Variants in KLHDC1 observed in about 807,000 individuals in gnomAD.
The protein encoded by KLHDC1 is kelch domain-containing protein 1.
KLHDC1 carries 53 observed loss-of-function variants against 68.3 expected under a neutral mutation model. The observed-to-expected ratio is 0.78, with a 90% CI of 0.62 to 0.98. The LOEUF (loss-of-function observed/expected upper bound fraction) is 0.98, where lower values mean the gene tolerates loss of function less well. KLHDC1 is among the 50% of genes least tolerant of loss of function. KLHDC1 has a pLI of 0.00. For synonymous variants in KLHDC1, 148 were observed against 159.0 expected, an observed-to-expected ratio of 0.93 and a Z score of 0.52; for missense variants, 470 against 492.3, an observed-to-expected ratio of 0.95 and a Z score of 0.43.
intron 1 of KLHDC1, among the ~76,000 whole-genome samples, chr14:49,705,753 T>G (rs1241793725): frequency 6.6e-6 from 1 of 152,176 alleles, no homozygotes; most frequent in African/African-American, 2.4e-5. Context: ...GTAGCTCCCC[T>G]TCTTATAATT....
At chr14:49,733,151 G>A (rs1888855004) in intron 9 of KLHDC1, among the ~76,000 whole-genome samples, 1 of 152,154 alleles carries the variant, frequency 6.6e-6, no homozygotes, top group Non-Finnish European at 1.5e-5. Context: ...CGCTTTTGCT[G>A]TACTCCAGGC....
At chr14:49,744,988 T>G (rs1346867039) in intron 12 of KLHDC1, among the ~76,000 whole-genome samples, 2 of 152,184 alleles carry the variant, frequency 1.3e-5, no homozygotes, top group Admixed American at 6.6e-5. Context: ...GGGAGGATTA[T>G]GGAAGAAGCC....
In KLHDC1 at chr14:49,704,133, C is replaced by T. The variant is rs1033971561; in HGVS notation, c.97-5026C>T. Among the ~76,000 whole-genome samples, 11 of 152,134 alleles carry T rather than the reference C, an allele frequency of 7.2e-5. 1 individual carries two copies. The highest frequency in any genetic ancestry group is 1.3e-4 in the Non-Finnish European group (9 of 68,022). ...GTACCATCTGGCCTTACGTTTTTGC[C>T]GTTCCAGTGAGTGTGACATGATAGT... On this transcript the variant is annotated intron_variant, in intron 1 of 12. Coordinates refer to ENST00000359332, the MANE Select transcript of KLHDC1 (RefSeq NM_172193.3).
intron 4 of KLHDC1, among the ~76,000 whole-genome samples, chr14:49,713,070 C>T (rs910258009): frequency 1.3e-5 from 2 of 151,830 alleles, no homozygotes; most frequent in African/African-American, 2.4e-5. Flanking sequence ...CTGCCTCAGC[C>T]TCCCGAGTAG....
In KLHDC1 at chr14:49,715,339, T is replaced by G. The variant is rs553598609; in HGVS notation, c.404+4958T>G. 1.1e-4 allele frequency among the ~76,000 whole-genome samples: 16 copies of G among 151,722 alleles called. No homozygotes were observed. The East Asian group carries it at 3.1e-3, about 29-fold the overall frequency. ...GGTTTCACCATGTTGGCAAGGATGG[T>G]TTTGATCTCTTGACCTCATGATCTG... On this transcript the variant is annotated intron_variant, in intron 4 of 12. Coordinates refer to ENST00000359332, the MANE Select transcript of KLHDC1 (RefSeq NM_172193.3).
At chr14:49,746,783 T>C (rs1189970634) in intron 12 of KLHDC1, among the ~76,000 whole-genome samples, 1 of 152,132 alleles carries the variant, frequency 6.6e-6, no homozygotes, top group Non-Finnish European at 1.5e-5. Context: ...TTTTCATTCT[T>C]TATGACCTTG....
Position 49,751,967 on chromosome 14 carries a change from A to G in KLHDC1, c.*195A>G. The G allele has an allele frequency of 9.6e-6, 3 of 312,432 alleles. No homozygotes were observed. Among genetic ancestry groups the G allele is most frequent in the African/African-American group, 2.1e-5 (1 of 46,766 alleles). The allele number at this position is 312,432 out of a possible 1,614,324, so 19.4% of individuals were successfully genotyped here. A position where few individuals can be genotyped will look rare whatever the true frequency, so the allele number is the denominator to read the frequency against. On this transcript the variant is annotated 3_prime_UTR_variant, in exon 13 of 13. Transcript: ENST00000359332. ...CAGATTAATTTATATTTGTAAACAA[A>G]TTTCCTTACAAACTGCAGAACAAAT...
chr14:49,723,614 TA>T (rs1452793308), intron 4 of KLHDC1, among the ~76,000 whole-genome samples: 1 of 152,202 alleles, frequency 6.6e-6, no homozygotes, highest in Admixed American at 6.5e-5. Context: ...AGTTTCTTCT[TA>T]CAAGCCCTGT....
intron 1 of KLHDC1, among the ~76,000 whole-genome samples, chr14:49,693,748 C>CTTTTTCTTTTTTTTTTTTTTTTTTTT (rs1555337323): frequency 1.6e-5 from 1 of 61,562 alleles, no homozygotes; most frequent in South Asian, 1.0e-3. Flanking sequence ...TTTTCTTTTT[C>CTTTTTCTTTTTTTTTTTTTTTTTTTT]TTTTTTTTTT....
At chr14:49,720,913 A>G (rs1888508935) in intron 4 of KLHDC1, among the ~76,000 whole-genome samples, 1 of 152,184 alleles carries the variant, frequency 6.6e-6, no homozygotes, top group African/African-American at 2.4e-5. Context: ...TGTTTAACCT[A>G]TATAATGAAT....
At chr14:49,734,264 G>C (rs1888881974) in intron 9 of KLHDC1, among the ~76,000 whole-genome samples, 1 of 152,026 alleles carries the variant, frequency 6.6e-6, no homozygotes, top group African/African-American at 2.4e-5. Context: ...TGTAAAAAAT[G>C]TCCTTTTATT....
chr14:49,696,730 C>T (rs1044203307), intron 1 of KLHDC1, among the ~76,000 whole-genome samples: 1 of 152,170 alleles, frequency 6.6e-6, no homozygotes, highest in African/African-American at 2.4e-5. Flanking sequence ...ATTAGAATAG[C>T]ACTCTTGATT....
chr14:49,719,491 C>T (rs771184524), intron 4 of KLHDC1, among the ~76,000 whole-genome samples: 20 of 151,698 alleles, frequency 1.3e-4, no homozygotes, highest in South Asian at 2.1e-4. Flanking sequence ...TGCAGTGATG[C>T]GATCTGAGCT....
At chr14:49,705,395 G>C (rs1264104047) in intron 1 of KLHDC1, among the ~76,000 whole-genome samples, 2 of 10,250 alleles carry the variant, frequency 2.0e-4, no homozygotes, top group East Asian at 0.011. Flanking sequence ...TTGAGATGGA[G>C]TCTTGCTCTG....
Position 49,693,307 on chromosome 14 carries a change from G to A in KLHDC1, c.96+17G>A. 1 of 1,495,084 alleles carries A rather than the reference G, an allele frequency of 6.7e-7. No individual in the cohort carries two copies. Among genetic ancestry groups the A allele is most frequent in the Non-Finnish European group, 9.0e-7 (1 of 1,116,340 alleles). 92.6% of individuals were successfully genotyped at this position (1,495,084 alleles called of 1,614,324 possible). ...GGCTACGTGGTAAGGGGAAGAGGCG[G>A]GACGGGGTAGACTCGCGCCGGGAGA... On this transcript the variant is annotated intron_variant, in intron 1 of 12. Coordinates refer to ENST00000359332, the MANE Select transcript of KLHDC1 (RefSeq NM_172193.3).
chr14:49,717,168 T>C (rs140313192), intron 4 of KLHDC1, among the ~76,000 whole-genome samples: 132 of 152,352 alleles, frequency 8.7e-4, no homozygotes, highest in African/African-American at 2.6e-3. Context: ...ATAATGCTGC[T>C]ATCAATGTGG....
chr14:49,707,462 C>T (rs1377086836), intron 1 of KLHDC1, among the ~76,000 whole-genome samples: 3 of 149,742 alleles, frequency 2.0e-5, no homozygotes, highest in Admixed American at 6.7e-5. Flanking sequence ...ATTCTCCTGC[C>T]TCAGCCTTCT....
chr14:49,704,400 T>G (rs1034920795), intron 1 of KLHDC1, among the ~76,000 whole-genome samples: 3 of 132,966 alleles, frequency 2.3e-5, no homozygotes, highest in African/African-American at 8.3e-5. Context: ...TTTTTTTTTT[T>G]TTTTTTTTTT....
In KLHDC1 at chr14:49,724,398, CATT is replaced by C. The variant is rs1389024450; in HGVS notation, c.483+451_483+453del. Among the ~76,000 whole-genome samples, 3 of 151,514 alleles carry C rather than the reference CATT, an allele frequency of 2.0e-5. No individual in the cohort carries two copies. In the East Asian group the frequency reaches 5.8e-4, roughly 29 times the overall value. On this transcript the variant is annotated intron_variant, in intron 5 of 12. Transcript: ENST00000359332. ...TATTCTTACTGATTAGACAATAAATCATTATTAATGAAAGAAGTCATGAATTAC... is the reference window on the plus strand; with the variant it reads ...TATTCTTACTGATTAGACAATAAATCATTAATGAAAGAAGTCATGAATTAC...
Sources: allele counts gnomAD v4.1 joint callset (sites outside exome capture counted in the v4.1 genomes callset), GRCh38; gene constraint gnomAD v4.1.1; transcripts MANE v1.5; gene names NCBI Gene and HGNC (gene_info 2026-07-23, HGNC 2026-07-21).